The following SMARCAD1 variants were observed in gnomAD, a reference collection of about 807,000 sequenced individuals.
SMARCAD1 encodes SNF2 related chromatin remodeling ATPase with DExD box 1.
Under a neutral mutation model 127.1 loss-of-function variants are expected in SMARCAD1, and 25 were observed. The observed-to-expected ratio is 0.20, with a 90% CI of 0.14 to 0.27. The LOEUF is 0.27. Ranked by LOEUF, SMARCAD1 falls within the 10% of genes least tolerant of loss-of-function variation. The pLI is 1.00. For synonymous variants in SMARCAD1, 400 were observed against 396.9 expected, an observed-to-expected ratio of 1.01 and a Z score of -0.09; for missense variants, 807 against 1,206.0, an observed-to-expected ratio of 0.67 and a Z score of 4.90.
chr4:94,215,312 G>T (rs1390240765), intron 2 of SMARCAD1, among the ~76,000 whole-genome samples: 3 of 152,140 alleles, frequency 2.0e-5, no homozygotes, highest in Non-Finnish European at 1.5e-5. Flanking sequence ...GGAATCTTAA[G>T]TGCATTTTAA....
intron 21 of SMARCAD1, among the ~76,000 whole-genome samples, chr4:94,282,199 A>C (rs1477832032): frequency 1.4e-5 from 1 of 70,410 alleles, no homozygotes; most frequent in African/African-American, 4.3e-5. Context: ...TCCTGGGTTC[A>C]CGCCATTCTG....
At chr4:94,210,629 T>G (rs1209802666) in intron 2 of SMARCAD1, among the ~76,000 whole-genome samples, 2 of 152,020 alleles carry the variant, frequency 1.3e-5, no homozygotes, top group Non-Finnish European at 2.9e-5. Context: ...AGATCCCTGA[T>G]GGGAATGAGA....
chr4:94,281,416 G>C (rs1174038076), intron 20 of SMARCAD1, 56 bp from the exon 21 acceptor site: 1 of 1,182,580 alleles, frequency 8.5e-7, no homozygotes, highest in African/African-American at 1.5e-5. Flanking sequence ...ACCTGTCAAG[G>C]CTTTGAGTAG....
intron 3 of SMARCAD1, among the ~76,000 whole-genome samples, chr4:94,233,447 G>C (rs1348422620): frequency 6.6e-6 from 1 of 152,162 alleles, no homozygotes; most frequent in Non-Finnish European, 1.5e-5. Context: ...AATATTCCCT[G>C]TTTGCTGAGG....
At chr4:94,254,966 T>G (rs1749835707) in intron 9 of SMARCAD1, among the ~76,000 whole-genome samples, 1 of 152,056 alleles carries the variant, frequency 6.6e-6, no homozygotes, top group Non-Finnish European at 1.5e-5. Context: ...TTATCAAAAG[T>G]CAATATTATG....
At chr4:94,249,470 G>GCAA (rs777268438) in intron 6 of SMARCAD1, among the ~76,000 whole-genome samples, 184 bp from the exon 7 acceptor site, 1 of 151,898 alleles carries the variant, frequency 6.6e-6, no homozygotes, top group Non-Finnish European at 1.5e-5. Context: ...TCTTAAGTCA[G>GCAA]CAATATTTTT....
At chr4:94,245,641 T>G (rs1238656170) in intron 6 of SMARCAD1, among the ~76,000 whole-genome samples, 1 of 152,238 alleles carries the variant, frequency 6.6e-6, no homozygotes, top group Non-Finnish European at 1.5e-5. Context: ...TTACAATAAC[T>G]CGTAAGCTGT....
intron 6 of SMARCAD1, among the ~76,000 whole-genome samples, chr4:94,244,713 C>T (rs1748142274): frequency 1.3e-5 from 2 of 150,872 alleles, no homozygotes. Flanking sequence ...TATATTTTTA[C>T]TTAGTTCTTC....
chr4:94,220,471 C>T (rs1447315349), intron 2 of SMARCAD1, among the ~76,000 whole-genome samples: 1 of 152,108 alleles, frequency 6.6e-6, no homozygotes, highest in East Asian at 1.9e-4. Context: ...TGCTCTCGAA[C>T]TCCTGACCTC....
intron 6 of SMARCAD1, among the ~76,000 whole-genome samples, chr4:94,249,040 T>G (rs1748879192): frequency 6.6e-6 from 1 of 152,126 alleles, no homozygotes. Flanking sequence ...ACCAGTTTCT[T>G]CAAGTGAAGT....
intron 6 of SMARCAD1, among the ~76,000 whole-genome samples, chr4:94,243,056 T>G (rs1747843445): frequency 6.6e-6 from 1 of 152,154 alleles, no homozygotes; most frequent in Admixed American, 6.5e-5. Context: ...CCTCCCGGGT[T>G]CAAGTGATTC....
intron 2 of SMARCAD1, among the ~76,000 whole-genome samples, chr4:94,219,972 T>C (rs911862284): frequency 5.9e-5 from 9 of 152,354 alleles, no homozygotes; most frequent in Admixed American, 5.2e-4. Context: ...TATAACTGTT[T>C]CTGCTTTTCA....
chr4:94,279,129 G>T, intron 19 of SMARCAD1, 79 bp downstream of exon 19: 1 of 1,574,462 alleles, frequency 6.4e-7, no homozygotes, highest in Non-Finnish European at 8.7e-7. Flanking sequence ...TGAACCCAAT[G>T]GGCATACTAA....
Position 94,290,788 on chromosome 4 carries a change from A to G in SMARCAD1, c.*1254A>G, listed in dbSNP as rs1755581716. The G allele has an allele frequency of 4.6e-6, 2 of 430,174 alleles. No individual in the cohort carries two copies. Among genetic ancestry groups the G allele is most frequent in the South Asian group, 3.5e-5 (2 of 57,444 alleles). The allele number at this position is 430,174 out of a possible 1,614,324, so 26.6% of individuals were successfully genotyped here. A position where few individuals can be genotyped will look rare whatever the true frequency, so the allele number is the denominator to read the frequency against. On this transcript the variant is annotated 3_prime_UTR_variant, in exon 24 of 24. Coordinates refer to ENST00000354268, the MANE Select transcript of SMARCAD1 (RefSeq NM_020159.5). ...CATGTGTTTTGTTTTTATTATGTAA[A>G]TATCATTATAAATAAACTTATTTAT...
intron 2 of SMARCAD1, among the ~76,000 whole-genome samples, chr4:94,216,710 C>G (rs768905636): frequency 6.6e-6 from 1 of 152,210 alleles, no homozygotes; most frequent in Non-Finnish European, 1.5e-5. Flanking sequence ...GGAATCATCA[C>G]TTAGCATAAC....
intron 4 of SMARCAD1, among the ~76,000 whole-genome samples, chr4:94,236,354 A>G (rs779402511): frequency 4.1e-4 from 62 of 152,310 alleles, no homozygotes; most frequent in Non-Finnish European, 5.0e-4. Flanking sequence ...TAAAAACAGT[A>G]TATTAGAATG....
rs1388857764 is a variant in SMARCAD1 at position 94,249,582 on chromosome 4, A to G, written c.706-72A>G. 3.7e-6 allele frequency: 3 copies of G among 821,376 alleles called. No individual in the cohort carries two copies. In the Admixed American group the frequency reaches 5.4e-5, roughly 15 times the overall value. 50.9% of individuals were successfully genotyped at this position (821,376 alleles called of 1,614,324 possible). A position where few individuals can be genotyped will look rare whatever the true frequency, so the allele number is the denominator to read the frequency against. ...TAATTTTCAGATCAAGTCAAAATAC[A>G]ATGATAATTGCCTTAAGACCATTGT... On this transcript the variant is annotated intron_variant, in intron 6 of 23. Coordinates refer to ENST00000354268, the MANE Select transcript of SMARCAD1 (RefSeq NM_020159.5).
Position 94,274,983 on chromosome 4 carries a change from T to G in SMARCAD1, c.1808+18T>G. 6.5e-7 allele frequency: 1 copy of G among 1,542,276 alleles called. No homozygotes were observed. Among genetic ancestry groups the G allele is most frequent in the Non-Finnish European group, 9.0e-7 (1 of 1,116,468 alleles). On this transcript the variant is annotated intron_variant, in intron 14 of 23. Coordinates refer to ENST00000354268, the MANE Select transcript of SMARCAD1 (RefSeq NM_020159.5). ...GTGACCACGTAAGTATTGAGAAATT[T>G]GGGGAGGATGGATATTTATGCAGCC... is the stretch of plus-strand genomic sequence containing the variant.
At chr4:94,287,969 A>T (rs1270276980) in intron 23 of SMARCAD1, among the ~76,000 whole-genome samples, 2 of 152,010 alleles carry the variant, frequency 1.3e-5, no homozygotes, top group Non-Finnish European at 2.9e-5. Context: ...TGGGCAACAT[A>T]GCAAGACTCC....
Sources: allele counts gnomAD v4.1 joint callset (sites outside exome capture counted in the v4.1 genomes callset), GRCh38; gene constraint gnomAD v4.1.1; transcripts MANE v1.5; gene names NCBI Gene and HGNC (gene_info 2026-07-23, HGNC 2026-07-21).